Variants in SHANK2 observed in about 807,000 individuals in gnomAD.
The protein encoded by SHANK2 is SH3 and multiple ankyrin repeat domains 2, also known as SH3 and multiple ankyrin repeat domains protein 2.
A neutral mutation model predicts 133.7 loss-of-function variants in SHANK2; 43 were observed. The ratio of observed to expected loss-of-function variants is 0.32; its 90% CI spans 0.25 to 0.41. SHANK2 has a LOEUF of 0.41. Among genes scored for constraint, SHANK2 ranks in the 10% least tolerant of loss-of-function variants. The pLI, the probability that SHANK2 is intolerant of heterozygous loss-of-function variation, is 1.00. For synonymous variants in SHANK2, 1,017 were observed against 952.8 expected (o/e 1.07, Z -1.24); for missense variants, 1,994 against 2,235.8 (o/e 0.89, Z 2.18).
chr11:70,620,603 G>C (rs2060816740), intron 17 of SHANK2, among the ~76,000 whole-genome samples: 1 of 149,344 alleles, frequency 6.7e-6, no homozygotes, highest in African/African-American at 2.5e-5. Context: ...CAGACAAAAT[G>C]TGGAGTCTGT....
At chr11:70,599,856 A>G (rs1565165849) in intron 17 of SHANK2, among the ~76,000 whole-genome samples, 1 of 118,904 alleles carries the variant, frequency 8.4e-6, no homozygotes, top group Admixed American at 9.2e-5. Flanking sequence ...AACGAAAGAA[A>G]GAAATAAAAA....
intron 17 of SHANK2, among the ~76,000 whole-genome samples, chr11:70,658,891 A>T (rs2061445009): frequency 6.6e-6 from 1 of 152,186 alleles, no homozygotes; most frequent in Non-Finnish European, 1.5e-5. Context: ...TGGAGTTCTG[A>T]TGTACACGAG....
chr11:71,239,585 C>T (rs1171346195), intron 1 of SHANK2, among the ~76,000 whole-genome samples: 2 of 152,112 alleles, frequency 1.3e-5, no homozygotes, highest in African/African-American at 4.8e-5. Context: ...ATCAGCCTCC[C>T]GAGAAGCTGG....
intron 9 of SHANK2, among the ~76,000 whole-genome samples, chr11:71,073,084 T>TG (rs1314687770): frequency 2.0e-5 from 3 of 151,820 alleles, no homozygotes; most frequent in Non-Finnish European, 4.4e-5. Flanking sequence ...AAAAGCACAT[T>TG]GGGGCGTATC....
At chr11:70,741,393 C>T (rs533635877) in intron 14 of SHANK2, among the ~76,000 whole-genome samples, 2 of 152,158 alleles carry the variant, frequency 1.3e-5, no homozygotes, top group Non-Finnish European at 2.9e-5. Flanking sequence ...CCCACCCATA[C>T]ATTCATTCGC....
chr11:70,546,023 C>T (rs1554976291), intron 17 of SHANK2, among the ~76,000 whole-genome samples: 1 of 152,046 alleles, frequency 6.6e-6, no homozygotes, highest in East Asian at 1.9e-4. Context: ...GGGTGCAGAG[C>T]TTCCACACCC....
intron 17 of SHANK2, among the ~76,000 whole-genome samples, chr11:70,581,188 G>T (rs2136223768): frequency 6.6e-6 from 1 of 152,302 alleles, no homozygotes; most frequent in African/African-American, 2.4e-5. Context: ...CGTTTGAAGG[G>T]CAAGGGAAGA....
At chr11:70,794,984 A>G (rs1555048821) in intron 14 of SHANK2, among the ~76,000 whole-genome samples, 1 of 152,170 alleles carries the variant, frequency 6.6e-6, no homozygotes, top group East Asian at 1.9e-4. Flanking sequence ...CCTCTATAAA[A>G]GAAGATAATA....
At chr11:71,060,049 T>C (rs1950969445) in intron 9 of SHANK2, among the ~76,000 whole-genome samples, 2 of 152,162 alleles carry the variant, frequency 1.3e-5, no homozygotes, top group Non-Finnish European at 2.9e-5. Context: ...CCAGAGCCCC[T>C]GCACCCCGAT....
intron 15 of SHANK2, among the ~76,000 whole-genome samples, chr11:70,666,612 C>A (rs1219544217): frequency 1.3e-5 from 2 of 152,158 alleles, no homozygotes; most frequent in African/African-American, 4.8e-5. Flanking sequence ...GCCTGCCCTG[C>A]CCCTGCACCA....
chr11:70,871,896 C>T (rs556213316), intron 11 of SHANK2, among the ~76,000 whole-genome samples: 1 of 152,326 alleles, frequency 6.6e-6, no homozygotes, highest in East Asian at 1.9e-4. Flanking sequence ...CATAACAACA[C>T]CGTCTTGAAA....
At chr11:71,098,070 G>A (rs1951653100) in intron 6 of SHANK2, among the ~76,000 whole-genome samples, 1 of 150,454 alleles carries the variant, frequency 6.6e-6, no homozygotes, top group Non-Finnish European at 1.5e-5. Context: ...GTACATGCCT[G>A]TGTGTATGCA....
At chr11:70,574,251 C>T (rs1443472773) in intron 17 of SHANK2, among the ~76,000 whole-genome samples, 11 of 152,242 alleles carry the variant, frequency 7.2e-5, no homozygotes, top group Admixed American at 7.2e-4. Flanking sequence ...CCAAAGCCAG[C>T]CCATGCTTGT....
intron 2 of SHANK2, among the ~76,000 whole-genome samples, chr11:71,212,772 C>T (rs538034294): frequency 2.0e-5 from 3 of 152,320 alleles, no homozygotes; most frequent in South Asian, 2.1e-4. Flanking sequence ...AGCTTTAGGA[C>T]GTTCTTGCCA....
intron 2 of SHANK2, among the ~76,000 whole-genome samples, chr11:71,171,025 A>C (rs1953302964): frequency 6.6e-6 from 1 of 152,224 alleles, no homozygotes; most frequent in African/African-American, 2.4e-5. Context: ...TCAGGCTCCC[A>C]GTGAGAGTTC....
At chr11:70,892,695 T>C (rs1007229194) in intron 11 of SHANK2, among the ~76,000 whole-genome samples, 23 of 152,108 alleles carry the variant, frequency 1.5e-4, no homozygotes, top group African/African-American at 5.6e-4. Context: ...CTGCATCTCC[T>C]TGGCACTCAC....
chr11:70,521,204 ATGAC>A (rs2059326089), intron 17 of SHANK2, among the ~76,000 whole-genome samples: 1 of 152,204 alleles, frequency 6.6e-6, no homozygotes, highest in Non-Finnish European at 1.5e-5. Context: ...TAGGTTCCTA[ATGAC>A]TGCCATTAAG....
intron 17 of SHANK2, among the ~76,000 whole-genome samples, chr11:70,599,651 G>A (rs886923675): frequency 7.8e-6 from 1 of 127,486 alleles, no homozygotes; most frequent in Admixed American, 7.7e-5. Flanking sequence ...AATTGGCTGG[G>A]TGTGGTGGCG....
chr11:71,153,288 C>A (rs114149803), intron 2 of SHANK2, among the ~76,000 whole-genome samples: 2 of 105,230 alleles, frequency 1.9e-5, no homozygotes, highest in East Asian at 2.5e-4. Context: ...ATCTCTCGGG[C>A]GGGTCGGGGG....
Sources: allele counts gnomAD v4.1 joint callset (sites outside exome capture counted in the v4.1 genomes callset), GRCh38; gene constraint gnomAD v4.1.1; transcripts MANE v1.5; gene names NCBI Gene and HGNC (gene_info 2026-07-23, HGNC 2026-07-21).